FAR2: variants seen among roughly 807,000 people sequenced by gnomAD.
FAR2 encodes epididymis secretory protein Li 81.
Under a neutral mutation model 56.0 loss-of-function variants are expected in FAR2, and 19 were observed. That is an observed-to-expected ratio of 0.34 (90% CI 0.24 to 0.50). The LOEUF is 0.50. Ranked by LOEUF, FAR2 falls within the 20% of genes least tolerant of loss-of-function variation. The pLI is 0.98. For missense variants in FAR2, 508 were observed against 642.2 expected (o/e 0.79, Z 2.26); for synonymous variants, 219 against 218.8 (o/e 1.00, Z -0.01).
chr12:29,321,797 T>C lies in FAR2; in HGVS notation c.1130T>C (p.Met377Thr). Residue 377 changes from methionine to threonine, a missense_variant and splice_region_variant, in exon 10 of 12, where the codon ATG (methionine) becomes ACG (threonine). By Grantham distance (81) the Met-to-Thr change is moderately conservative (BLOSUM62 -1). Transcript: ENST00000536681. ...YLRLTGRKPRMTKLMNRLLRT... is the reference protein window; with the variant it reads ...YLRLTGRKPRTTKLMNRLLRT... Reference sequence around the variant, plus strand: ...CTCCTATCTGATGGTTATCTCAGGATGACAAAGCTCATGAATCGGCTTTTA... The same window carrying C: ...CTCCTATCTGATGGTTATCTCAGGACGACAAAGCTCATGAATCGGCTTTTA... 6.2e-7 allele frequency: 1 copy of C among 1,613,210 alleles called. No individual in the cohort carries two copies.
In FAR2 at chr12:29,149,371, C is replaced by T. The variant is rs1050504292; in HGVS notation, c.-75C>T. 5.2e-5 allele frequency: 8 copies of T among 152,396 alleles called. No homozygotes were observed. The highest frequency in any genetic ancestry group is 1.7e-4 in the African/African-American group (7 of 41,476). The allele number at this position is 152,396 out of a possible 1,614,324, so 9.4% of individuals were successfully genotyped here. A position where few individuals can be genotyped will look rare whatever the true frequency, so the allele number is the denominator to read the frequency against. On this transcript the variant is annotated 5_prime_UTR_variant, in exon 1 of 12. Transcript: ENST00000536681. The stretch of plus-strand genomic sequence containing the variant: ...CGGGGAAGGAGCAGGATTTAGAGGA[C>T]CACTAGTTGGACCCCATCCTCGTGC...
chr12:29,297,341 C>G, intron 4 of FAR2, 141 bp downstream of exon 4: 1 of 728,346 alleles, frequency 1.4e-6, no homozygotes, highest in Non-Finnish European at 2.2e-6. Flanking sequence ...GCCTTAGCTA[C>G]CTTGTCCCTG....
At chr12:29,333,581 T>C (rs1949760677) in intron 11 of FAR2, 51 bp from the exon 12 acceptor site, 1 of 1,488,022 alleles carries the variant, frequency 6.7e-7, no homozygotes, top group Admixed American at 1.8e-5. Flanking sequence ...TCAGATAATG[T>C]GGTTGGGTAT....
At chr12:29,154,413 T>C (rs1181856540) in intron 1 of FAR2, among the ~76,000 whole-genome samples, 1 of 147,830 alleles carries the variant, frequency 6.8e-6, no homozygotes, top group Non-Finnish European at 1.5e-5. Flanking sequence ...GTTTTGTTTT[T>C]GTTTTTTTTT....
intron 1 of FAR2, among the ~76,000 whole-genome samples, chr12:29,258,765 C>G (rs7316004): frequency 6.6e-6 from 1 of 151,976 alleles, no homozygotes; most frequent in Middle Eastern, 3.2e-3. Context: ...CCTATGCTGG[C>G]TCAATCGTCA....
intron 1 of FAR2, among the ~76,000 whole-genome samples, chr12:29,240,041 A>G (rs556600198): frequency 6.6e-6 from 1 of 152,304 alleles, no homozygotes; most frequent in South Asian, 2.1e-4. Flanking sequence ...TAGCCTTCAC[A>G]TCTTCCATCG....
intron 1 of FAR2, among the ~76,000 whole-genome samples, chr12:29,192,335 G>A (rs936931005): frequency 5.3e-5 from 8 of 152,138 alleles, no homozygotes; most frequent in Admixed American, 6.5e-5. Context: ...ACAATTGGAC[G>A]CATGAAGCCC....
chr12:29,223,828 T>C (rs1947727153), intron 1 of FAR2: 1 of 152,210 alleles, frequency 6.6e-6, no homozygotes, highest in Non-Finnish European at 1.5e-5. Context: ...ATTTTTCTGC[T>C]ACATTGTCTG....
At chr12:29,152,531 T>G (rs1268801114) in intron 1 of FAR2, among the ~76,000 whole-genome samples, 1 of 152,172 alleles carries the variant, frequency 6.6e-6, no homozygotes, top group Non-Finnish European at 1.5e-5. Flanking sequence ...AGGAATAAAA[T>G]AGTGTGAAAG....
chr12:29,254,305 GAAAT>G (rs202115699), intron 1 of FAR2, among the ~76,000 whole-genome samples: 2,540 of 152,294 alleles, frequency 0.017, 27 homozygotes, highest in Middle Eastern at 0.027. Context: ...AAAAAAGAAA[GAAAT>G]CTAGATTAAA....
intron 1 of FAR2, among the ~76,000 whole-genome samples, chr12:29,243,406 G>A (rs373801041): frequency 7.2e-5 from 11 of 152,090 alleles, no homozygotes; most frequent in East Asian, 5.8e-4. Context: ...AGTTGCTACC[G>A]GTTGTAGGTC....
chr12:29,321,663 A>G (rs1433054436), intron 9 of FAR2, 132 bp from the exon 10 acceptor site: 8 of 1,053,362 alleles, frequency 7.6e-6, no homozygotes, highest in Non-Finnish European at 9.3e-6. Flanking sequence ...AGAAAAAAGA[A>G]GAAGAATTTT....
At chr12:29,181,116 CTTG>C (rs750392651) in intron 1 of FAR2, among the ~76,000 whole-genome samples, 3 of 152,034 alleles carry the variant, frequency 2.0e-5, no homozygotes, top group African/African-American at 4.8e-5. Flanking sequence ...CAGTGTTTAT[CTTG>C]TTATTATGCT....
chr12:29,277,167 G>A (rs977059476), intron 2 of FAR2, among the ~76,000 whole-genome samples: 3 of 152,022 alleles, frequency 2.0e-5, no homozygotes, highest in South Asian at 2.1e-4. Context: ...TAGTAGAGAC[G>A]GGGTTTCACC....
At chr12:29,286,235 C>T (rs544479352) in intron 2 of FAR2, among the ~76,000 whole-genome samples, 63 of 152,244 alleles carry the variant, frequency 4.1e-4, no homozygotes, top group Non-Finnish European at 8.8e-4. Context: ...TACACGAATC[C>T]TCAGAAATCT....
chr12:29,217,142 A>G (rs992005663), intron 1 of FAR2, among the ~76,000 whole-genome samples: 8 of 152,220 alleles, frequency 5.3e-5, no homozygotes, highest in African/African-American at 1.9e-4. Context: ...GTTATCATAC[A>G]CTTTTTAAAA....
intron 1 of FAR2, among the ~76,000 whole-genome samples, chr12:29,210,902 T>G (rs117660450): frequency 3.7e-4 from 56 of 151,992 alleles, no homozygotes; most frequent in Non-Finnish European, 7.6e-4. Flanking sequence ...GCCAAGATTG[T>G]GCCACTGTAC....
intron 9 of FAR2, among the ~76,000 whole-genome samples, chr12:29,318,288 T>C (rs75376460): frequency 0.063 from 9,601 of 152,168 alleles, 393 homozygotes; most frequent in South Asian, 0.12. Context: ...AAAGGAAACA[T>C]TGTGATTATG....
intron 1 of FAR2, among the ~76,000 whole-genome samples, chr12:29,165,729 G>A (rs565900746): frequency 1.3e-5 from 2 of 152,302 alleles, no homozygotes; most frequent in South Asian, 4.1e-4. Flanking sequence ...TTGGAAAGCA[G>A]TTGTACCAAA....
Sources: allele counts gnomAD v4.1 joint callset (sites outside exome capture counted in the v4.1 genomes callset), GRCh38; gene constraint gnomAD v4.1.1; transcripts MANE v1.5; gene names NCBI Gene and HGNC (gene_info 2026-07-23, HGNC 2026-07-21).